Variants in LNPK observed in about 807,000 individuals in gnomAD.
LNPK encodes the protein lunapark, ER junction formation factor.
Under a neutral mutation model 55.2 loss-of-function variants are expected in LNPK, and 29 were observed. The ratio of observed to expected loss-of-function variants is 0.53; its 90% CI spans 0.39 to 0.72. The LOEUF (loss-of-function observed/expected upper bound fraction) is 0.72, where lower values mean the gene tolerates loss of function less well. Among genes scored for constraint, LNPK ranks in the 30% least tolerant of loss-of-function variants. LNPK has a pLI of 0.00. For missense variants in LNPK, 467 were observed against 494.8 expected (o/e 0.94, Z 0.53); for synonymous variants, 162 against 168.2 (o/e 0.96, Z 0.29).
intron 12 of LNPK, among the ~76,000 whole-genome samples, chr2:175,934,183 C>T (rs986962913): frequency 2.0e-5 from 3 of 151,978 alleles, no homozygotes; most frequent in Non-Finnish European, 2.9e-5. Context: ...TAAATATAAA[C>T]AAAGGTATAA....
At position 175,964,501 on chromosome 2, in the gene LNPK, C is replaced by G. The variant is rs199799804; in HGVS notation, c.441+5G>C. The G allele has an allele frequency of 7.3e-5, 116 of 1,597,558 alleles. No individual in the cohort carries two copies. Among genetic ancestry groups the G allele is most frequent in the African/African-American group, 1.3e-5 (1 of 74,556 alleles). On this transcript the variant is annotated splice_donor_5th_base_variant and intron_variant, in intron 7 of 12. Transcript: ENST00000272748. ...AATAAAATAGTAGTGATATCACAGT[C>G]TTACCTTTGCTTTCTTTGAGTCCGG...
chr2:175,946,229 T>TA (rs1685116152), intron 9 of LNPK, among the ~76,000 whole-genome samples: 1 of 152,156 alleles, frequency 6.6e-6, no homozygotes, highest in Admixed American at 6.5e-5. Flanking sequence ...TAAAATAAGT[T>TA]AGATATACAA....
chr2:175,971,707 T>G (rs1686671317), intron 5 of LNPK, among the ~76,000 whole-genome samples: 1 of 152,192 alleles, frequency 6.6e-6, no homozygotes, highest in East Asian at 1.9e-4. Context: ...TATAAAACTT[T>G]TTTCAAAATA....
intron 1 of LNPK, among the ~76,000 whole-genome samples, chr2:176,000,827 T>C (rs1688132901): frequency 6.6e-6 from 1 of 152,202 alleles, no homozygotes; most frequent in Non-Finnish European, 1.5e-5. Flanking sequence ...CCACATTTAT[T>C]GCTCCTCAAA....
At chr2:175,931,672 G>A (rs976903555) in intron 12 of LNPK, among the ~76,000 whole-genome samples, 2 of 152,072 alleles carry the variant, frequency 1.3e-5, no homozygotes, top group African/African-American at 4.8e-5. Context: ...AATCCTATCT[G>A]TATCTTAACA....
rs752656377 is a variant in LNPK, at chr2:175,964,328, T to A, written c.493+44A>T. On this transcript the variant is annotated intron_variant, in intron 8 of 12. Transcript: ENST00000272748. ...ACTTTTGAACTCACTTGGGTAATTA[T>A]GGATCTTTCCAACAGCAGCAGCAGT... 38 of 1,538,758 alleles carry A rather than the reference T, an allele frequency of 2.5e-5. No individual in the cohort carries two copies. The Admixed American group carries it at 6.4e-4, about 26-fold the overall frequency.
In LNPK at chr2:175,964,430, ATT is replaced by A; in HGVS notation, c.442-9_442-8del. ...CAGATGGCGGCTCACACTCCTGTCA[ATT>A]ATAATAATGTTATTACAGTGACCTA... is the stretch of plus-strand genomic sequence containing the variant. On this transcript the variant is annotated splice_polypyrimidine_tract_variant and splice_region_variant and intron_variant, in intron 7 of 12. Transcript: ENST00000272748. The A allele has an allele frequency of 3.7e-6, 6 of 1,612,082 alleles. No homozygotes were observed. The highest frequency in any genetic ancestry group is 3.4e-6 in the Non-Finnish European group (4 of 1,178,140).
At chr2:175,933,155 ATAT>A (rs948766133) in intron 12 of LNPK, among the ~76,000 whole-genome samples, 1 of 152,066 alleles carries the variant, frequency 6.6e-6, no homozygotes, top group Non-Finnish European at 1.5e-5. Flanking sequence ...TATTCTTGAG[ATAT>A]TATTATTATT....
chr2:175,957,029 C>G (rs534937836), intron 8 of LNPK, among the ~76,000 whole-genome samples: 1 of 152,026 alleles, frequency 6.6e-6, no homozygotes, highest in Non-Finnish European at 1.5e-5. Flanking sequence ...ACATTATCTC[C>G]CCCAACCTCA....
At chr2:175,988,216 G>C (rs143698420) in intron 4 of LNPK, among the ~76,000 whole-genome samples, 7 of 151,952 alleles carry the variant, frequency 4.6e-5, no homozygotes, top group African/African-American at 1.4e-4. Flanking sequence ...TAAATCTAAC[G>C]ATGAGCTGGG....
chr2:175,929,764 T>C lies in LNPK; in HGVS notation c.*203A>G. The C allele has an allele frequency of 1.4e-6, 2 of 1,411,276 alleles. No individual in the cohort carries two copies. Among genetic ancestry groups the C allele is most frequent in the Non-Finnish European group, 1.8e-6 (2 of 1,087,396 alleles). The allele number at this position is 1,411,276 out of a possible 1,614,324, so 87.4% of individuals were successfully genotyped here. A position where few individuals can be genotyped will look rare whatever the true frequency, so the allele number is the denominator to read the frequency against. Reference sequence around the variant, plus strand: ...GTGGGTCTTTGTACATTCAAAAGGATCTTACTTCACTGATATAACTTGCTT... The same window carrying C: ...GTGGGTCTTTGTACATTCAAAAGGACCTTACTTCACTGATATAACTTGCTT... On this transcript the variant is annotated 3_prime_UTR_variant, in exon 13 of 13. Coordinates refer to ENST00000272748, the MANE Select transcript of LNPK (RefSeq NM_030650.3).
intron 4 of LNPK, among the ~76,000 whole-genome samples, chr2:175,990,458 C>G (rs899202830): frequency 6.6e-6 from 1 of 152,158 alleles, no homozygotes; most frequent in East Asian, 1.9e-4. Context: ...TCTGCAGAAC[C>G]ATGAGCCAAA....
chr2:175,942,161 T>C (rs550847916), intron 9 of LNPK, among the ~76,000 whole-genome samples: 225 of 152,246 alleles, frequency 1.5e-3, no homozygotes, highest in African/African-American at 5.0e-3. Flanking sequence ...AAAACAGTTA[T>C]CATGTGGGTA....
Position 175,929,141 on chromosome 2 carries a change from T to A in LNPK, c.*826A>T. The A allele has an allele frequency of 2.0e-6, 2 of 983,122 alleles. No individual in the cohort carries two copies. The highest frequency in any genetic ancestry group is 1.2e-6 in the Non-Finnish European group (1 of 827,402). 60.9% of individuals were successfully genotyped at this position (983,122 alleles called of 1,614,324 possible). The stretch of plus-strand genomic sequence containing the variant: ...AAACTGATGCCAGATTATTTTCATT[T>A]TCCTTAATAAAATACAAACAAGAGC... On this transcript the variant is annotated 3_prime_UTR_variant, in exon 13 of 13. Transcript: ENST00000272748.
chr2:175,945,829 T>C (rs941871392), intron 9 of LNPK, among the ~76,000 whole-genome samples: 2 of 152,168 alleles, frequency 1.3e-5, no homozygotes, highest in African/African-American at 4.8e-5. Context: ...TTATAGACAA[T>C]GGTAATTAAC....
chr2:175,970,471 G>T (rs1024470008), intron 6 of LNPK, among the ~76,000 whole-genome samples: 1 of 151,352 alleles, frequency 6.6e-6, no homozygotes, highest in Admixed American at 6.6e-5. Flanking sequence ...AAACAATCTG[G>T]TACCCACATT....
chr2:176,001,667 C>A (rs1688165397), intron 1 of LNPK, among the ~76,000 whole-genome samples: 1 of 152,118 alleles, frequency 6.6e-6, no homozygotes, highest in African/African-American at 2.4e-5. Flanking sequence ...AGTTTTCAGT[C>A]CCTTCTGGTC....
chr2:175,938,958 A>G (rs1384076360), intron 10 of LNPK, among the ~76,000 whole-genome samples: 1 of 152,170 alleles, frequency 6.6e-6, no homozygotes, highest in African/African-American at 2.4e-5. Flanking sequence ...TCGCTATATC[A>G]AATGTCATTC....
In LNPK at chr2:175,928,065, A is replaced by T. The variant is rs929965492; in HGVS notation, c.*1902T>A. ...AACATACAAAAAACCTGATGAAATT[A>T]TTTTTAAAAAGTTTATATTCCACAG... On this transcript the variant is annotated 3_prime_UTR_variant, in exon 13 of 13. Coordinates refer to ENST00000272748, the MANE Select transcript of LNPK (RefSeq NM_030650.3). The T allele has an allele frequency of 6.6e-6, 1 of 152,200 alleles. No individual in the cohort carries two copies. Among genetic ancestry groups the T allele is most frequent in the African/African-American group, 2.4e-5 (1 of 41,450 alleles). The allele number at this position is 152,200 out of a possible 1,614,324, so 9.4% of individuals were successfully genotyped here. A position where few individuals can be genotyped will look rare whatever the true frequency, so the allele number is the denominator to read the frequency against.
Sources: allele counts gnomAD v4.1 joint callset (sites outside exome capture counted in the v4.1 genomes callset), GRCh38; gene constraint gnomAD v4.1.1; transcripts MANE v1.5; gene names NCBI Gene and HGNC (gene_info 2026-07-23, HGNC 2026-07-21).